The following TIAM1 variants were observed in gnomAD, a reference collection of about 807,000 sequenced individuals.
TIAM1 encodes the protein TIAM Rac1 associated GEF 1.
Under a neutral mutation model 163.5 loss-of-function variants are expected in TIAM1, and 65 were observed. The ratio of observed to expected loss-of-function variants is 0.40; its 90% CI spans 0.33 to 0.49. The LOEUF (loss-of-function observed/expected upper bound fraction) is 0.49, where lower values mean the gene tolerates loss of function less well. Among genes scored for constraint, TIAM1 ranks in the 20% least tolerant of loss-of-function variants. The pLI is 0.77. For missense variants in TIAM1, 1,789 were observed against 2,044.7 expected, an observed-to-expected ratio of 0.87 and a Z score of 2.41; for synonymous variants, 833 against 810.1, an observed-to-expected ratio of 1.03 and a Z score of -0.48.
chr21:31,169,317 C>A (rs772428871), intron 15 of TIAM1, among the ~76,000 whole-genome samples: 18 of 131,310 alleles, frequency 1.4e-4, no homozygotes, highest in African/African-American at 4.1e-4. Context: ...AATAATAATA[C>A]TAAAACAGAA....
At position 31,252,138 on chromosome 21, in the gene TIAM1, C is replaced by A. The variant is rs749496240; in HGVS notation, c.1015G>T (p.Ala339Ser). Residue 339 changes from alanine (A) to serine (S), a missense_variant, in exon 5 of 28, where the codon GCC (alanine) becomes TCC (serine). This residue lies in a region of TIAM1 where 555 missense variants were observed against 564.9 expected (regional missense o/e 0.98). Transcript: ENST00000541036. The part of the protein sequence containing the change: ...SEFADSGIEG[A>S]TTDTDLLSRR... ...GACAGGAGGTCCGTGTCGGTAGTGG[C>A]CCCTTCAATCCCACTGTCTGCAAAC... is the stretch of plus-strand genomic sequence containing the variant. 6.2e-7 allele frequency: 1 copy of A among 1,611,450 alleles called. No individual in the cohort carries two copies. Among genetic ancestry groups the A allele is most frequent in the South Asian group, 1.1e-5 (1 of 91,084 alleles).
At chr21:31,366,986 T>C (rs2076514783) in intron 2 of TIAM1, among the ~76,000 whole-genome samples, 1 of 152,084 alleles carries the variant, frequency 6.6e-6, no homozygotes, top group Admixed American at 6.6e-5. Flanking sequence ...ACAAAGGGAA[T>C]ACAAAGAACC....
chr21:31,355,338 T>C (rs16988159), intron 2 of TIAM1, among the ~76,000 whole-genome samples: 47,713 of 151,880 alleles, frequency 0.31, 8,082 homozygotes, highest in Admixed American at 0.43. Context: ...GTGGCCACCT[T>C]GGTCTATTTG....
chr21:31,430,720 T>C (rs780077692), intron 2 of TIAM1, among the ~76,000 whole-genome samples: 177 of 152,228 alleles, frequency 1.2e-3, no homozygotes, highest in Non-Finnish European at 2.3e-3. Flanking sequence ...AAGAATTAGG[T>C]TCTAAATTCT....
chr21:31,229,810 G>T (rs1355942447), intron 6 of TIAM1, among the ~76,000 whole-genome samples: 1 of 152,116 alleles, frequency 6.6e-6, no homozygotes, highest in Non-Finnish European at 1.5e-5. Flanking sequence ...CTGCCACCAT[G>T]CCCAGCTAAT....
intron 6 of TIAM1, among the ~76,000 whole-genome samples, chr21:31,229,880 T>C (rs1204897395): frequency 1.3e-5 from 2 of 152,212 alleles, no homozygotes; most frequent in African/African-American, 4.8e-5. Context: ...CTCGAACTCC[T>C]GACCTCAGGT....
At chr21:31,500,198 G>A (rs898320793) in intron 1 of TIAM1, among the ~76,000 whole-genome samples, 3 of 152,038 alleles carry the variant, frequency 2.0e-5, no homozygotes, top group Non-Finnish European at 4.4e-5. Flanking sequence ...AAACAAAGAG[G>A]AGTGGTAGCA....
At chr21:31,442,070 A>AATATATATATATATATATATATATAT (rs138822110) in intron 2 of TIAM1, among the ~76,000 whole-genome samples, 836 of 52,944 alleles carry the variant, frequency 0.016, 68 homozygotes, top group African/African-American at 0.022. Context: ...CAAATAAATA[A>AATATATATATATATATATATATATAT]ATATATATAT....
At chr21:31,143,482 ATATTT>A (rs1243918899) in intron 20 of TIAM1, among the ~76,000 whole-genome samples, 7 of 151,518 alleles carry the variant, frequency 4.6e-5, no homozygotes, top group African/African-American at 1.5e-4. Context: ...ACACACACGT[ATATTT>A]TATTAGAAAG....
chr21:31,368,247 C>G (rs959059140), intron 2 of TIAM1, among the ~76,000 whole-genome samples: 1 of 151,828 alleles, frequency 6.6e-6, no homozygotes, highest in African/African-American at 2.4e-5. Flanking sequence ...TCCATAGGCC[C>G]CATTCTTAAA....
chr21:31,433,746 C>T (rs907478403), intron 2 of TIAM1, among the ~76,000 whole-genome samples: 1 of 152,118 alleles, frequency 6.6e-6, no homozygotes, highest in South Asian at 2.1e-4. Context: ...TCAGGGAATA[C>T]GTTATTCCAC....
intron 19 of TIAM1, among the ~76,000 whole-genome samples, chr21:31,149,518 A>C (rs945084987): frequency 2.6e-5 from 4 of 152,154 alleles, no homozygotes; most frequent in African/African-American, 4.8e-5. Flanking sequence ...CAGTACACTC[A>C]AGTCTATATC....
intron 2 of TIAM1, among the ~76,000 whole-genome samples, chr21:31,285,008 A>G (rs1014304236): frequency 2.0e-5 from 3 of 152,074 alleles, no homozygotes; most frequent in Non-Finnish European, 4.4e-5. Context: ...TGCAACCTGC[A>G]ATTTCCCTGA....
At chr21:31,444,828 A>G (rs1602294592) in intron 2 of TIAM1, among the ~76,000 whole-genome samples, 1 of 152,234 alleles carries the variant, frequency 6.6e-6, no homozygotes, top group East Asian at 1.9e-4. Flanking sequence ...GTGAAACCCC[A>G]TCTATACTAA....
chr21:31,196,290 A>C (rs1285960128), intron 12 of TIAM1, among the ~76,000 whole-genome samples: 3 of 151,812 alleles, frequency 2.0e-5, no homozygotes, highest in African/African-American at 4.8e-5. Context: ...TGCAGAGAGA[A>C]GGGAATGCTT....
At chr21:31,501,435 C>T (rs2046844604) in intron 1 of TIAM1, among the ~76,000 whole-genome samples, 1 of 152,112 alleles carries the variant, frequency 6.6e-6, no homozygotes, top group African/African-American at 2.4e-5. Flanking sequence ...TAGGCATCTA[C>T]ACAACTAGGA....
intron 22 of TIAM1, among the ~76,000 whole-genome samples, chr21:31,137,804 G>C (rs1309641742): frequency 6.6e-6 from 1 of 151,044 alleles, no homozygotes; most frequent in Non-Finnish European, 1.5e-5. Flanking sequence ...GGAAGGAAGA[G>C]ACAAGGAGCA....
chr21:31,428,681 G>A (rs993368707), intron 2 of TIAM1, among the ~76,000 whole-genome samples: 9 of 152,096 alleles, frequency 5.9e-5, no homozygotes, highest in East Asian at 2.0e-4. Context: ...CCAGGAGTTC[G>A]AGACCAGCCT....
chr21:31,442,972 CT>C (rs1433172825), intron 2 of TIAM1, among the ~76,000 whole-genome samples: 1 of 152,216 alleles, frequency 6.6e-6, no homozygotes, highest in African/African-American at 2.4e-5. Flanking sequence ...TTTCAATGAA[CT>C]AGTGTATTAA....
Sources: gnomAD v4.1 joint callset for allele counts (sites outside exome capture counted in the v4.1 genomes callset) on GRCh38, gnomAD v4.1.1 for gene constraint, gnomAD v4.1.1 regional missense constraint, MANE v1.5 for transcripts, NCBI Gene and HGNC (gene_info 2026-07-23, HGNC 2026-07-21) for gene names.